Variants in HLCS observed in about 807,000 individuals in gnomAD.
The protein encoded by HLCS is holocarboxylase synthetase.
HLCS carries 53 observed loss-of-function variants against 75.0 expected under a neutral mutation model. The observed-to-expected ratio is 0.71, with a 90% CI of 0.57 to 0.89. The LOEUF is 0.89. Among genes scored for constraint, HLCS ranks in the 40% least tolerant of loss-of-function variants. The pLI is 0.00. For synonymous variants in HLCS, 431 were observed against 428.6 expected, an observed-to-expected ratio of 1.01 and a Z score of -0.07; for missense variants, 966 against 1,074.0, an observed-to-expected ratio of 0.90 and a Z score of 1.41.
intron 6 of HLCS, among the ~76,000 whole-genome samples, chr21:36,865,271 GT>G (rs2063517359): frequency 1.3e-5 from 2 of 152,056 alleles, no homozygotes; most frequent in South Asian, 4.2e-4. Flanking sequence ...ATGCGCGCCA[GT>G]TTAAAGGAAT....
chr21:36,953,595 C>T (rs534610096), intron 2 of HLCS, among the ~76,000 whole-genome samples: 36 of 152,220 alleles, frequency 2.4e-4, no homozygotes, highest in Non-Finnish European at 4.6e-4. Context: ...TTCCTTAAGA[C>T]GCTGTACATC....
Position 36,890,459 on chromosome 21 carries a change from G to A in HLCS, c.1892+6401C>T, listed in dbSNP as rs184499374. Among the ~76,000 whole-genome samples, 999 of 152,264 alleles carry A rather than the reference G, an allele frequency of 6.6e-3. 9 individuals carry two copies. The highest frequency in any genetic ancestry group is 0.017 in the Middle Eastern group (5 of 294). On this transcript the variant is annotated intron_variant, in intron 6 of 10. Transcript: ENST00000674895. ...GGGGTTTTGAGTTTTTACTCTGGGG[G>A]TGGAGGGGACTCAGTCATCAGCAAG...
At chr21:36,923,187 T>C (rs1202560435) in intron 5 of HLCS, among the ~76,000 whole-genome samples, 1 of 152,158 alleles carries the variant, frequency 6.6e-6, no homozygotes, top group African/African-American at 2.4e-5. Context: ...AAAATCCGCG[T>C]GTGAGAATGT....
intron 4 of HLCS, among the ~76,000 whole-genome samples, chr21:36,932,043 G>A (rs1489794396): frequency 6.6e-6 from 1 of 152,294 alleles, no homozygotes; most frequent in Admixed American, 6.5e-5. Flanking sequence ...CCTGTGATGG[G>A]AGGGCATCCT....
intron 6 of HLCS, among the ~76,000 whole-genome samples, chr21:36,805,825 C>T (rs908378565): frequency 1.3e-5 from 2 of 152,160 alleles, no homozygotes; most frequent in Non-Finnish European, 2.9e-5. Context: ...ACTAGACGTC[C>T]ACTTCATGAA....
At chr21:36,822,082 A>C (rs143076338) in intron 6 of HLCS, among the ~76,000 whole-genome samples, 1 of 152,250 alleles carries the variant, frequency 6.6e-6, no homozygotes, top group African/African-American at 2.4e-5. Context: ...AAGTAAGTTA[A>C]ATTATTGCTG....
At chr21:36,915,375 C>T (rs986275202) in intron 5 of HLCS, among the ~76,000 whole-genome samples, 2 of 152,200 alleles carry the variant, frequency 1.3e-5, no homozygotes, top group East Asian at 1.9e-4. Context: ...AAGAGAGAAG[C>T]GGCCCCATAT....
intron 6 of HLCS, among the ~76,000 whole-genome samples, chr21:36,884,744 C>T (rs555169033): frequency 6.6e-6 from 1 of 152,178 alleles, no homozygotes; most frequent in African/African-American, 2.4e-5. Context: ...AGGCATTTGA[C>T]AAAATGAATA....
intron 5 of HLCS, among the ~76,000 whole-genome samples, chr21:36,919,195 G>T (rs752386595): frequency 2.0e-5 from 3 of 152,180 alleles, no homozygotes; most frequent in Non-Finnish European, 4.4e-5. Flanking sequence ...GTGAAAGAGA[G>T]TGATGAGTAC....
At chr21:36,954,564 C>T (rs575058555) in intron 2 of HLCS, among the ~76,000 whole-genome samples, 243 of 145,382 alleles carry the variant, frequency 1.7e-3, no homozygotes, top group Non-Finnish European at 2.9e-3. Flanking sequence ...TGCAGCGAGC[C>T]GAGATGCGCC....
chr21:36,957,122 C>T (rs894575457), intron 2 of HLCS, among the ~76,000 whole-genome samples: 4 of 150,888 alleles, frequency 2.7e-5, no homozygotes, highest in African/African-American at 9.7e-5. Context: ...CCCTCCAAAT[C>T]TCACGTTGAA....
intron 6 of HLCS, among the ~76,000 whole-genome samples, chr21:36,786,283 C>CT (rs35436718): frequency 0.026 from 3,722 of 145,094 alleles, 79 homozygotes; most frequent in Admixed American, 0.041. Flanking sequence ...TCTATTTAAG[C>CT]TTTTTTTTTT....
chr21:36,973,427 T>C (rs1893654), intron 1 of HLCS, among the ~76,000 whole-genome samples: 62,105 of 151,702 alleles, frequency 0.41, 13,433 homozygotes, highest in South Asian at 0.53. Context: ...GTCTGATAAA[T>C]ATGAAAAAGT....
At chr21:36,756,144 G>C (rs1469429395) in intron 10 of HLCS, among the ~76,000 whole-genome samples, 4 of 152,060 alleles carry the variant, frequency 2.6e-5, no homozygotes. Flanking sequence ...CTCATTTTAA[G>C]ATACTGAACT....
chr21:36,905,319 C>T (rs1211948503), intron 5 of HLCS, among the ~76,000 whole-genome samples: 1 of 152,028 alleles, frequency 6.6e-6, no homozygotes, highest in African/African-American at 2.4e-5. Flanking sequence ...AGAGGTAAAA[C>T]TCAAAAAAGA....
chr21:36,826,788 C>G (rs1038525552), intron 6 of HLCS, among the ~76,000 whole-genome samples: 13 of 152,220 alleles, frequency 8.5e-5, no homozygotes, highest in Non-Finnish European at 1.8e-4. Context: ...CAAGTTTACA[C>G]AGTTAACAGC....
chr21:36,904,876 A>G (rs767651853), intron 5 of HLCS, among the ~76,000 whole-genome samples: 1 of 152,218 alleles, frequency 6.6e-6, no homozygotes, highest in Non-Finnish European at 1.5e-5. Context: ...CAATGTAAAA[A>G]TGTTACTGAA....
At chr21:36,937,490 G>A (rs1207456158) in intron 3 of HLCS, 98 bp from the exon 4 acceptor site, 4 of 1,100,040 alleles carry the variant, frequency 3.6e-6, no homozygotes, top group Admixed American at 2.0e-5. Context: ...TCTGCATTCT[G>A]GGACTTACAT....
chr21:36,956,527 G>C (rs902212471), intron 2 of HLCS, among the ~76,000 whole-genome samples: 1 of 152,116 alleles, frequency 6.6e-6, no homozygotes, highest in Non-Finnish European at 1.5e-5. Flanking sequence ...AGGAGATCAA[G>C]ACCATTCTGG....
Sources: allele counts gnomAD v4.1 joint callset (sites outside exome capture counted in the v4.1 genomes callset), GRCh38; gene constraint gnomAD v4.1.1; transcripts MANE v1.5; gene names NCBI Gene and HGNC (gene_info 2026-07-23, HGNC 2026-07-21).